The following MAGI3 variants were observed in gnomAD, a reference collection of about 807,000 sequenced individuals.
MAGI3 encodes membrane-associated guanylate kinase, WW and PDZ domain-containing protein 3.
Under a neutral mutation model 121.8 loss-of-function variants are expected in MAGI3, and 43 were observed. That is an observed-to-expected ratio of 0.35 (90% CI 0.28 to 0.46). MAGI3 has a LOEUF of 0.46. Ranked by LOEUF, MAGI3 falls within the 20% of genes least tolerant of loss-of-function variation. The pLI is 1.00. For synonymous variants in MAGI3, 553 were observed against 639.3 expected, an observed-to-expected ratio of 0.86 and a Z score of 2.04; for missense variants, 1,547 against 1,797.3, an observed-to-expected ratio of 0.86 and a Z score of 2.52.
chr1:113,395,052 G>A (rs1357471930), intron 1 of MAGI3, among the ~76,000 whole-genome samples: 1 of 133,022 alleles, frequency 7.5e-6, no homozygotes, highest in African/African-American at 2.8e-5. Context: ...TAAAAATAAT[G>A]CTGTGCCTTT....
intron 2 of MAGI3, among the ~76,000 whole-genome samples, chr1:113,562,250 A>C (rs2101689706): frequency 6.6e-6 from 1 of 152,306 alleles, no homozygotes; most frequent in South Asian, 2.1e-4. Flanking sequence ...CCAAAACAAA[A>C]AAATTAGCCA....
intron 1 of MAGI3, among the ~76,000 whole-genome samples, chr1:113,509,355 C>CTTTT (rs763952179): frequency 1.3e-4 from 16 of 126,630 alleles, no homozygotes; most frequent in East Asian, 1.0e-3. Context: ...ATTATCTTTT[C>CTTTT]TTTTTTTTTT....
At chr1:113,514,336 T>C (rs1393938551) in intron 1 of MAGI3, among the ~76,000 whole-genome samples, 1 of 152,178 alleles carries the variant, frequency 6.6e-6, no homozygotes, top group East Asian at 1.9e-4. Flanking sequence ...GTATGTTTAT[T>C]GCAGCACTAT....
At chr1:113,635,655 A>C (rs1291382437) in intron 9 of MAGI3, among the ~76,000 whole-genome samples, 2 of 151,864 alleles carry the variant, frequency 1.3e-5, no homozygotes, top group East Asian at 1.9e-4. Context: ...TTTTTGCATC[A>C]ATGTTCATCA....
At chr1:113,468,367 G>A (rs989329820) in intron 1 of MAGI3, among the ~76,000 whole-genome samples, 3 of 152,016 alleles carry the variant, frequency 2.0e-5, no homozygotes, top group African/African-American at 7.3e-5. Context: ...TCTATTACAG[G>A]TTTTTTGCAT....
At chr1:113,665,093 A>G (rs1653967281) in intron 16 of MAGI3, among the ~76,000 whole-genome samples, 1 of 152,264 alleles carries the variant, frequency 6.6e-6, no homozygotes, top group Non-Finnish European at 1.5e-5. Context: ...TTTCTTTTAT[A>G]TGATCTAATA....
At chr1:113,541,115 G>A (rs898040107) in intron 1 of MAGI3, among the ~76,000 whole-genome samples, 6 of 152,124 alleles carry the variant, frequency 3.9e-5, no homozygotes, top group Non-Finnish European at 8.8e-5. Flanking sequence ...TAAGAAGGAA[G>A]GGGAGAGAGA....
At chr1:113,435,395 T>G (rs969384789) in intron 1 of MAGI3, among the ~76,000 whole-genome samples, 1 of 152,166 alleles carries the variant, frequency 6.6e-6, no homozygotes, top group East Asian at 1.9e-4. Context: ...TCTCTTTTCC[T>G]TCTTCATTTT....
At chr1:113,441,190 A>G (rs1653894466) in intron 1 of MAGI3, among the ~76,000 whole-genome samples, 1 of 152,096 alleles carries the variant, frequency 6.6e-6, no homozygotes, top group Admixed American at 6.6e-5. Context: ...CTAATATCTC[A>G]TGTTGGGATT....
intron 1 of MAGI3, among the ~76,000 whole-genome samples, chr1:113,475,944 G>T (rs572336617): frequency 1.3e-5 from 2 of 152,190 alleles, no homozygotes; most frequent in East Asian, 3.9e-4. Flanking sequence ...CTTCTTCCTG[G>T]TTTAGTCTTG....
intron 2 of MAGI3, among the ~76,000 whole-genome samples, chr1:113,567,968 G>A (rs1366073407): frequency 6.6e-6 from 1 of 151,942 alleles, no homozygotes; most frequent in Non-Finnish European, 1.5e-5. Flanking sequence ...GAACAACATG[G>A]GTGAATCTCA....
chr1:113,506,856 C>T (rs1657360153), intron 1 of MAGI3, among the ~76,000 whole-genome samples: 1 of 152,102 alleles, frequency 6.6e-6, no homozygotes, highest in Admixed American at 6.5e-5. Context: ...GGTGGGGAGT[C>T]GATGTACTAG....
chr1:113,559,281 C>T (rs1159856888), intron 2 of MAGI3, among the ~76,000 whole-genome samples: 1 of 152,194 alleles, frequency 6.6e-6, no homozygotes, highest in Non-Finnish European at 1.5e-5. Flanking sequence ...GAGTCAAGAT[C>T]CATCAATATA....
chr1:113,649,084 G>A (rs1405207471), intron 12 of MAGI3, among the ~76,000 whole-genome samples, 153 bp from the exon 13 acceptor site: 6 of 152,140 alleles, frequency 3.9e-5, no homozygotes, highest in Non-Finnish European at 5.9e-5. Flanking sequence ...TTGTGTGTGT[G>A]TGTTACACTC....
At chr1:113,566,968 T>TA (rs200368465) in intron 2 of MAGI3, among the ~76,000 whole-genome samples, 30 of 138,316 alleles carry the variant, frequency 2.2e-4, no homozygotes, top group South Asian at 4.5e-4. Context: ...TAGAAAACAT[T>TA]AAAAAAAAAG....
intron 15 of MAGI3, among the ~76,000 whole-genome samples, chr1:113,655,939 TCTTAA>T (rs1463024536): frequency 6.6e-5 from 10 of 152,320 alleles, no homozygotes; most frequent in South Asian, 2.1e-4. Flanking sequence ...TGTCACCGTC[TCTTAA>T]CTTTTCTTTT....
At chr1:113,561,496 T>C (rs926241474) in intron 2 of MAGI3, among the ~76,000 whole-genome samples, 1 of 151,998 alleles carries the variant, frequency 6.6e-6, no homozygotes, top group Non-Finnish European at 1.5e-5. Flanking sequence ...ACCACATAAA[T>C]AGAACTAAAG....
In MAGI3 at chr1:113,682,962, C is replaced by G; in HGVS notation, c.3394C>G (p.Pro1132Ala). The G allele has an allele frequency of 1.2e-6, 2 of 1,613,418 alleles. No homozygotes were observed. Among genetic ancestry groups the G allele is most frequent in the Non-Finnish European group, 1.7e-6 (2 of 1,179,730 alleles). The change falls in exon 21 of 21, where the codon CCA becomes GCA. Residue 1132 changes from proline to alanine, a missense_variant. Physicochemically the swap from Pro to Ala is conservative, Grantham distance 27. Coordinates refer to ENST00000307546, the MANE Select transcript of MAGI3 (RefSeq NM_001142782.2). ...TTATGATGAACAGTCACCATTACCCCCATCTTCACATTTTGCTTCCATATT... is the reference window on the plus strand; with the variant it reads ...TTATGATGAACAGTCACCATTACCCGCATCTTCACATTTTGCTTCCATATT... ...VIYDEQSPLP[P>A]SSHFASIFEE...
chr1:113,437,907 TCTCCTTCTCCTTCTC>T (rs1247341048), intron 1 of MAGI3, among the ~76,000 whole-genome samples: 1,388 of 7,218 alleles, frequency 0.19, 255 homozygotes, highest in African/African-American at 0.26. Flanking sequence ...TCCTTCTCCT[TCTCCTTCTCCTTCTC>T]CTCCTTCTCC....
Sources: allele counts gnomAD v4.1 joint callset (sites outside exome capture counted in the v4.1 genomes callset), GRCh38; gene constraint gnomAD v4.1.1; transcripts MANE v1.5; gene names NCBI Gene and HGNC (gene_info 2026-07-23, HGNC 2026-07-21).